The following IPO7 variants were observed in gnomAD, a reference collection of about 807,000 sequenced individuals.
The protein encoded by IPO7 is importin-7.
Under a neutral mutation model 136.4 loss-of-function variants are expected in IPO7, and 13 were observed. That is an observed-to-expected ratio of 0.10 (90% CI 0.06 to 0.15). The LOEUF (loss-of-function observed/expected upper bound fraction) is 0.15. IPO7 is among the 10% of genes least tolerant of loss of function. The probability of loss-of-function intolerance (pLI) is 1.00; values close to 1 mark genes in which losing one functional copy is unlikely to be tolerated. For synonymous variants in IPO7, 403 were observed against 404.4 expected, an observed-to-expected ratio of 1.00 and a Z score of 0.04; for missense variants, 857 against 1,240.6, an observed-to-expected ratio of 0.69 and a Z score of 4.65.
At position 9,419,545 on chromosome 11, in the gene IPO7, T is replaced by TAAAAAAA. The variant is rs1178586532; in HGVS notation, c.727-857_727-851dup. 5.7e-4 allele frequency among the ~76,000 whole-genome samples: 52 copies of TAAAAAAA among 91,676 alleles called. 1 individual carries two copies. In the East Asian group the frequency reaches 0.011, roughly 20 times the overall value. 60.1% of individuals were successfully genotyped at this position (91,676 alleles called of 152,430 possible). On this transcript the variant is annotated intron_variant, in intron 6 of 24. Transcript: ENST00000379719. ...CCTGGCAACAGAGTGAGACTCTGTC[T>TAAAAAAA]AAAAAAAAAAAAAAATATATATATA...
Position 9,384,738 on chromosome 11 carries a change from C to T in IPO7, c.-26C>T. ...TTCCTGGCCCAGTAGCACCCGAGCC[C>T]CGGGTTTGACCGAGTCCGCGCTGCG... On this transcript the variant is annotated 5_prime_UTR_variant, in exon 1 of 25. Coordinates refer to ENST00000379719, the MANE Select transcript of IPO7 (RefSeq NM_006391.3). 4 of 1,567,358 alleles carry T rather than the reference C, an allele frequency of 2.6e-6. No individual in the cohort carries two copies. The highest frequency in any genetic ancestry group is 3.5e-6 in the Non-Finnish European group (4 of 1,153,950).
chr11:9,440,685 A>T (rs760352044), intron 23 of IPO7, 24 bp downstream of exon 23: 1 of 1,501,950 alleles, frequency 6.7e-7, no homozygotes, highest in South Asian at 1.1e-5. Flanking sequence ...TTACATGTGG[A>T]TCCATTTCAT....
intron 2 of IPO7, among the ~76,000 whole-genome samples, chr11:9,403,966 ATTC>A (rs1854837799): frequency 6.6e-6 from 1 of 152,106 alleles, no homozygotes; most frequent in South Asian, 2.1e-4. Context: ...GGTTCAAGCG[ATTC>A]TTCTGCCTTA....
At chr11:9,424,801 T>A in intron 10 of IPO7, 113 bp from the exon 11 acceptor site, 1 of 717,540 alleles carries the variant, frequency 1.4e-6, no homozygotes, top group Non-Finnish European at 2.4e-6. Context: ...TTTTGCAAAA[T>A]TATAAAGGGA....
Position 9,437,445 on chromosome 11 carries a change from G to A in IPO7, c.2269-309G>A, listed in dbSNP as rs187141665. Among the ~76,000 whole-genome samples the A allele has an allele frequency of 2.8e-3, 431 of 152,018 alleles. 2 individuals are homozygous for A. The highest frequency in any genetic ancestry group is 9.6e-3 in the African/African-American group (399 of 41,478). ...AATTTTTTGTATTTTTAGTAGAGAC[G>A]GGGTTTCACTGTGTTAGCCAGGATG... On this transcript the variant is annotated intron_variant, in intron 20 of 24. Transcript: ENST00000379719.
intron 8 of IPO7, among the ~76,000 whole-genome samples, chr11:9,421,925 CAG>C (rs1207623035): frequency 6.6e-6 from 1 of 151,628 alleles, no homozygotes; most frequent in African/African-American, 2.4e-5. Context: ...GCCTGGGCGA[CAG>C]AGCAAGACTC....
chr11:9,418,200 G>C (rs1044378324), intron 6 of IPO7, among the ~76,000 whole-genome samples: 1 of 151,738 alleles, frequency 6.6e-6, no homozygotes, highest in Non-Finnish European at 1.5e-5. Context: ...CTCCCAAGTA[G>C]CTGGGATTAC....
chr11:9,425,702 C>T (rs886275480), intron 12 of IPO7, among the ~76,000 whole-genome samples: 1 of 151,940 alleles, frequency 6.6e-6, no homozygotes, highest in Non-Finnish European at 1.5e-5. Flanking sequence ...AGTGAAACCC[C>T]GTCTCTACTA....
intron 19 of IPO7, among the ~76,000 whole-genome samples, chr11:9,435,448 CTG>C (rs756355417): frequency 6.6e-6 from 1 of 152,260 alleles, no homozygotes; most frequent in Non-Finnish European, 1.5e-5. Flanking sequence ...AACAAATAAA[CTG>C]GAGTCCATCA....
Position 9,445,539 on chromosome 11 carries a change from G to T in IPO7, c.*345G>T, listed in dbSNP as rs1855516386. The T allele has an allele frequency of 5.0e-6, 1 of 198,612 alleles. No homozygotes were observed. Among genetic ancestry groups the T allele is most frequent in the African/African-American group, 2.3e-5 (1 of 43,332 alleles). The allele number at this position is 198,612 out of a possible 1,614,324, so 12.3% of individuals were successfully genotyped here. A position where few individuals can be genotyped will look rare whatever the true frequency, so the allele number is the denominator to read the frequency against. On this transcript the variant is annotated 3_prime_UTR_variant, in exon 25 of 25. Transcript: ENST00000379719. ...CTTTTCTTTTTCTGAGGAAAAAATA[G>T]GCATGGGCTACAGGACTATTTAAAA...
intron 2 of IPO7, among the ~76,000 whole-genome samples, chr11:9,407,370 A>G (rs1335341053): frequency 6.6e-6 from 1 of 152,206 alleles, no homozygotes; most frequent in African/African-American, 2.4e-5. Flanking sequence ...CCTGGCCAAC[A>G]TGGTGAAACC....
At chr11:9,434,670 A>G (rs1480725334) in intron 18 of IPO7, among the ~76,000 whole-genome samples, 1 of 152,116 alleles carries the variant, frequency 6.6e-6, no homozygotes, top group Non-Finnish European at 1.5e-5. Context: ...GCGTGTGCCT[A>G]TAGTCCCAGC....
chr11:9,396,805 C>T (rs564630185), intron 1 of IPO7, among the ~76,000 whole-genome samples: 1 of 152,252 alleles, frequency 6.6e-6, no homozygotes, highest in South Asian at 2.1e-4. Context: ...CGATAAGACA[C>T]ATTTTACTTT....
intron 1 of IPO7, among the ~76,000 whole-genome samples, chr11:9,395,892 T>C (rs568031236): frequency 9.7e-5 from 14 of 145,060 alleles, no homozygotes; most frequent in Non-Finnish European, 2.1e-4. Context: ...AATTTTTGTA[T>C]TTTTTTTTTA....
In IPO7 at chr11:9,385,747, T is replaced by C. The variant is rs374032069; in HGVS notation, c.84+900T>C. Among the ~76,000 whole-genome samples, 3 of 152,304 alleles carry C rather than the reference T, an allele frequency of 2.0e-5. No individual in the cohort carries two copies. The East Asian group carries it at 5.8e-4, about 29-fold the overall frequency. On this transcript the variant is annotated intron_variant, in intron 1 of 24. Coordinates refer to ENST00000379719, the MANE Select transcript of IPO7 (RefSeq NM_006391.3). The stretch of plus-strand genomic sequence containing the variant: ...AAGGTTTTTTTTTTCCCCCATATTT[T>C]GTGGGGACCGCTCCTTGGAAAACAG...
chr11:9,438,315 A>AT, intron 22 of IPO7, 30 bp downstream of exon 22: 1 of 1,315,154 alleles, frequency 7.6e-7, no homozygotes, highest in Non-Finnish European at 1.1e-6. Context: ...AGAAGACAAA[A>AT]CTTATCTACT....
intron 3 of IPO7, among the ~76,000 whole-genome samples, chr11:9,408,877 C>G (rs1211456553): frequency 6.6e-6 from 1 of 151,572 alleles, no homozygotes; most frequent in Non-Finnish European, 1.5e-5. Flanking sequence ...CCACGCCCAG[C>G]TAATTTTTGT....
At chr11:9,439,208 C>T (rs564190089) in intron 22 of IPO7, among the ~76,000 whole-genome samples, 4 of 152,128 alleles carry the variant, frequency 2.6e-5, no homozygotes, top group South Asian at 4.1e-4. Context: ...ATCTGCCTCC[C>T]GGGTTCAAGC....
At chr11:9,385,223 A>T (rs1035338728) in intron 1 of IPO7, among the ~76,000 whole-genome samples, 1 of 152,000 alleles carries the variant, frequency 6.6e-6, no homozygotes, top group Non-Finnish European at 1.5e-5. Context: ...GAGGTTTTTC[A>T]GATGTTTCTG....
Sources: gnomAD v4.1 joint callset for allele counts (sites outside exome capture counted in the v4.1 genomes callset) on GRCh38, gnomAD v4.1.1 for gene constraint, MANE v1.5 for transcripts, NCBI Gene and HGNC (gene_info 2026-07-23, HGNC 2026-07-21) for gene names.